The following ELOC variants were observed in gnomAD, a reference collection of about 807,000 sequenced individuals.
ELOC encodes the protein elongin C, also known as elongin-C.
For missense variants in ELOC, 38 were observed against 139.0 expected (o/e 0.27, Z 3.65); for synonymous variants, 40 against 51.3 (o/e 0.78, Z 0.94).
At chr8:73,948,145 T>C (rs555130712) in intron 3 of ELOC, among the ~76,000 whole-genome samples, 1 of 151,828 alleles carries the variant, frequency 6.6e-6, no homozygotes, top group East Asian at 1.9e-4. Context: ...TGAGCCAAGA[T>C]TGTGCCATTG....
At chr8:73,971,700 G>A (rs1815416171) in intron 1 of ELOC, among the ~76,000 whole-genome samples, 1 of 152,044 alleles carries the variant, frequency 6.6e-6, no homozygotes, top group Non-Finnish European at 1.5e-5. Context: ...CCTCTCCCTG[G>A]GCTAGGGACT....
chr8:73,952,356 G>A (rs532152118), intron 3 of ELOC, among the ~76,000 whole-genome samples: 44 of 151,602 alleles, frequency 2.9e-4, no homozygotes, highest in Non-Finnish European at 5.6e-4. Context: ...GCAGTGAGCC[G>A]AGATTGAGCC....
intron 1 of ELOC, among the ~76,000 whole-genome samples, chr8:73,964,913 G>A (rs909456689): frequency 7.9e-5 from 12 of 151,814 alleles, no homozygotes; most frequent in Admixed American, 7.9e-4. Flanking sequence ...TGTAGCCCAA[G>A]GTATTTGGGA....
intron 3 of ELOC, among the ~76,000 whole-genome samples, chr8:73,947,893 T>C (rs991980852): frequency 2.0e-5 from 3 of 152,100 alleles, no homozygotes; most frequent in Non-Finnish European, 4.4e-5. Flanking sequence ...AAAAAACCTT[T>C]ACTAAAATAG....
chr8:73,966,783 G>C (rs1486995624), intron 1 of ELOC, among the ~76,000 whole-genome samples: 1 of 151,812 alleles, frequency 6.6e-6, no homozygotes, highest in African/African-American at 2.4e-5. Context: ...CCAAGACATG[G>C]GTCTTGAATG....
chr8:73,971,688 G>C (rs899398074), intron 1 of ELOC, among the ~76,000 whole-genome samples: 20 of 152,142 alleles, frequency 1.3e-4, no homozygotes, highest in Admixed American at 1.3e-3. Flanking sequence ...AGAAGCGAGA[G>C]ACCTCTCCCT....
intron 1 of ELOC, among the ~76,000 whole-genome samples, chr8:73,964,168 C>T (rs10504553): frequency 0.16 from 23,617 of 144,256 alleles, 2,315 homozygotes; most frequent in Middle Eastern, 0.3. Flanking sequence ...GTTAAGTGGT[C>T]CCTGGATAGT....
At chr8:73,956,356 G>A (rs1397531448) in intron 2 of ELOC, among the ~76,000 whole-genome samples, 2 of 152,280 alleles carry the variant, frequency 1.3e-5, no homozygotes, top group African/African-American at 4.8e-5. Flanking sequence ...CTGTAGTCCA[G>A]CCTGGATGAC....
rs185466252 is a variant in ELOC, at chr8:73,954,966, G to A, written c.148+945C>T. Among the ~76,000 whole-genome samples the A allele has an allele frequency of 1.8e-3, 275 of 150,016 alleles. 6 individuals are homozygous for A. In the East Asian group the frequency reaches 0.043, roughly 23 times the overall value. ...GAAGAATCTCTTGAACCTGGAAGGC[G>A]GAGGTTGCAGTGAGCCGAGATGGCA... On this transcript the variant is annotated intron_variant, in intron 3 of 3. Coordinates refer to ENST00000520242, the MANE Select transcript of ELOC (RefSeq NM_005648.4).
chr8:73,958,582 C>T (rs1814367173), intron 2 of ELOC, among the ~76,000 whole-genome samples: 1 of 152,092 alleles, frequency 6.6e-6, no homozygotes, highest in African/African-American at 2.4e-5. Flanking sequence ...TTCTAAATTA[C>T]AGACTATTCA....
chr8:73,948,618 T>C (rs1813538402), intron 3 of ELOC, among the ~76,000 whole-genome samples: 1 of 152,126 alleles, frequency 6.6e-6, no homozygotes, highest in African/African-American at 2.4e-5. Context: ...TATTTAACTG[T>C]TTACCTAAAA....
At chr8:73,961,043 A>G (rs906241009) in intron 1 of ELOC, among the ~76,000 whole-genome samples, 1 of 152,196 alleles carries the variant, frequency 6.6e-6, no homozygotes, top group Non-Finnish European at 1.5e-5. Flanking sequence ...TCTTCCATAT[A>G]CAGGCTAAGT....
chr8:73,964,755 G>C (rs1467232755), intron 1 of ELOC: 1 of 152,188 alleles, frequency 6.6e-6, no homozygotes, highest in Non-Finnish European at 1.5e-5. Flanking sequence ...TGGGCACCGT[G>C]GCTCACACGT....
At chr8:73,948,882 A>AGC (rs1227134858) in intron 3 of ELOC, among the ~76,000 whole-genome samples, 4 of 152,162 alleles carry the variant, frequency 2.6e-5, no homozygotes, top group African/African-American at 9.7e-5. Context: ...CAAGCAAGCA[A>AGC]AAGAAACATT....
chr8:73,952,973 T>C (rs1813875831), intron 3 of ELOC, among the ~76,000 whole-genome samples: 1 of 152,044 alleles, frequency 6.6e-6, no homozygotes, highest in African/African-American at 2.4e-5. Context: ...TATTAAATAA[T>C]GTTCAACATC....
intron 3 of ELOC, among the ~76,000 whole-genome samples, chr8:73,950,133 T>C (rs1046363001): frequency 6.6e-6 from 1 of 152,182 alleles, no homozygotes; most frequent in East Asian, 1.9e-4. Flanking sequence ...CGGGGAACAA[T>C]GTTCATGACA....
chr8:73,969,100 C>A (rs1308062046), intron 1 of ELOC, among the ~76,000 whole-genome samples: 2 of 152,130 alleles, frequency 1.3e-5, no homozygotes, highest in East Asian at 1.9e-4. Flanking sequence ...CCTAGTTTTT[C>A]TCCCGAGTGC....
chr8:73,953,147 A>G (rs188560682), intron 3 of ELOC, among the ~76,000 whole-genome samples: 1 of 152,100 alleles, frequency 6.6e-6, no homozygotes, highest in Admixed American at 6.5e-5. Context: ...TCTACCAAAA[A>G]TACAAAAAAT....
chr8:73,964,918 T>G (rs1472132107), intron 1 of ELOC, among the ~76,000 whole-genome samples: 2 of 151,308 alleles, frequency 1.3e-5, no homozygotes, highest in Non-Finnish European at 2.9e-5. Context: ...CCCAAGGTAT[T>G]TGGGAGGCTG....
Sources: gnomAD v4.1 joint callset for allele counts (sites outside exome capture counted in the v4.1 genomes callset) on GRCh38, gnomAD v4.1.1 for gene constraint, MANE v1.5 for transcripts, NCBI Gene and HGNC (gene_info 2026-07-23, HGNC 2026-07-21) for gene names.